CEP57L1: variants seen among roughly 807,000 people sequenced by gnomAD.
CEP57L1 encodes centrosomal protein 57 like 1.
Under a neutral mutation model 61.0 loss-of-function variants are expected in CEP57L1, and 37 were observed. The ratio of observed to expected loss-of-function variants is 0.61; its 90% CI spans 0.47 to 0.80. CEP57L1 has a LOEUF of 0.80. Among genes scored for constraint, CEP57L1 ranks in the 30% least tolerant of loss-of-function variants. The probability of loss-of-function intolerance (pLI) is 0.00; values close to 1 mark genes in which losing one functional copy is unlikely to be tolerated. For missense variants in CEP57L1, 422 were observed against 524.7 expected (o/e 0.80, Z 1.91); for synonymous variants, 137 against 162.3 (o/e 0.84, Z 1.19).
intron 1 of CEP57L1, among the ~76,000 whole-genome samples, chr6:109,128,448 AT>A (rs1773821004): frequency 6.6e-6 from 1 of 151,876 alleles, no homozygotes; most frequent in Admixed American, 6.6e-5. Context: ...TTAGACCTAT[AT>A]TTTTCGTGTT....
chr6:109,139,247 T>C (rs1771078400), intron 1 of CEP57L1, among the ~76,000 whole-genome samples: 1 of 152,170 alleles, frequency 6.6e-6, no homozygotes, highest in Non-Finnish European at 1.5e-5. Flanking sequence ...TGAGATTTCA[T>C]CATCATGGTA....
chr6:109,171,302 G>A lies in CEP57L1; in HGVS notation c.*8332G>A, dbSNP rs1023657700. On this transcript the variant is annotated 3_prime_UTR_variant, in exon 11 of 11. Coordinates refer to ENST00000517392, the MANE Select transcript of CEP57L1 (RefSeq NM_001271852.3). ...TGCCCAAGCTGGAGTGCAATGGCGCGATCTCAGCTCACTGCAACCTCCGCC... is the reference window on the plus strand; with the variant it reads ...TGCCCAAGCTGGAGTGCAATGGCGCAATCTCAGCTCACTGCAACCTCCGCC... 8.6e-5 allele frequency among the ~76,000 whole-genome samples: 13 copies of A among 150,472 alleles called. No homozygotes were observed. The highest frequency in any genetic ancestry group is 2.1e-4 in the South Asian group (1 of 4,760).
intron 1 of CEP57L1, among the ~76,000 whole-genome samples, chr6:109,096,300 C>A (rs1275264160): frequency 6.6e-6 from 1 of 152,052 alleles, no homozygotes; most frequent in Non-Finnish European, 1.5e-5. Flanking sequence ...ACTGAGTATA[C>A]AACAATGAAA....
chr6:109,158,733 T>C (rs62427241), intron 7 of CEP57L1: 9,685 of 508,082 alleles, frequency 0.019, 137 homozygotes, highest in Non-Finnish European at 0.025. Flanking sequence ...GTGATTTTAT[T>C]TTCTCTGTGT....
At chr6:109,100,535 C>T (rs1016191659) in intron 1 of CEP57L1, among the ~76,000 whole-genome samples, 27 of 151,498 alleles carry the variant, frequency 1.8e-4, no homozygotes, top group Admixed American at 1.1e-3. Flanking sequence ...ATTAGCCAGG[C>T]GTGGTGGTGG....
rs967828405 is a variant in CEP57L1 at position 109,169,029 on chromosome 6, C to A, written c.*6059C>A. On this transcript the variant is annotated 3_prime_UTR_variant, in exon 11 of 11. Transcript: ENST00000517392. ...TTGCCTGAGCTCAGGAGTTCAAGAC[C>A]ACCCTGGGCGACATGGTGAAATCCC... Among the ~76,000 whole-genome samples the A allele has an allele frequency of 1.3e-5, 2 of 151,244 alleles. No individual in the cohort carries two copies. Among genetic ancestry groups the A allele is most frequent in the Non-Finnish European group, 3.0e-5 (2 of 67,750 alleles).
chr6:109,166,172 T>C lies in CEP57L1; in HGVS notation c.*3202T>C, dbSNP rs115842502. 4.9e-3 allele frequency among the ~76,000 whole-genome samples: 745 copies of C among 152,218 alleles called. 6 individuals are homozygous for C. The highest frequency in any genetic ancestry group is 0.017 in the African/African-American group (697 of 41,530). On this transcript the variant is annotated 3_prime_UTR_variant, in exon 11 of 11. Transcript: ENST00000517392. ...TAAAGACAGGAGGGTCAGAGGGAAA[T>C]GTTCAGTTTTCAACAATGTAAGATT...
At chr6:109,119,462 G>A (rs571085892) in intron 1 of CEP57L1, among the ~76,000 whole-genome samples, 2 of 152,282 alleles carry the variant, frequency 1.3e-5, no homozygotes, top group Admixed American at 1.3e-4. Flanking sequence ...CAGGACTTGA[G>A]AATGGGGAGT....
intron 1 of CEP57L1, among the ~76,000 whole-genome samples, chr6:109,116,137 A>G (rs1257349871): frequency 0.054 from 5,948 of 110,506 alleles, 158 homozygotes; most frequent in Middle Eastern, 0.099. Flanking sequence ...GTGTTATGTT[A>G]TGTTATGTTA....
intron 3 of CEP57L1, among the ~76,000 whole-genome samples, chr6:109,149,583 G>A (rs1255712252): frequency 6.6e-6 from 1 of 151,914 alleles, no homozygotes; most frequent in East Asian, 1.9e-4. Flanking sequence ...TTTGGCTTAG[G>A]ATTGACTTGG....
intron 5 of CEP57L1, among the ~76,000 whole-genome samples, chr6:109,154,669 T>A (rs1457434492): frequency 6.6e-6 from 1 of 152,092 alleles, no homozygotes; most frequent in East Asian, 1.9e-4. Flanking sequence ...AATTTTTGGA[T>A]TAGGGATACC....
At chr6:109,119,331 T>C (rs1026828050) in intron 1 of CEP57L1, among the ~76,000 whole-genome samples, 1 of 152,100 alleles carries the variant, frequency 6.6e-6, no homozygotes, top group African/African-American at 2.4e-5. Context: ...GGAAAATCAC[T>C]TCAAAAGGCT....
Position 109,167,618 on chromosome 6 carries a change from G to A in CEP57L1, c.*4648G>A, listed in dbSNP as rs531185293. ...CTTGAACCTGGGAGGCAGAGGTTGC[G>A]GTGAGCCGAGATTGTGCCACTGCAC... is the stretch of plus-strand genomic sequence containing the variant. On this transcript the variant is annotated 3_prime_UTR_variant, in exon 11 of 11. Coordinates refer to ENST00000517392, the MANE Select transcript of CEP57L1 (RefSeq NM_001271852.3). Among the ~76,000 whole-genome samples the A allele has an allele frequency of 6.6e-6, 1 of 151,828 alleles. No homozygotes were observed. Among genetic ancestry groups the A allele is most frequent in the South Asian group, 2.1e-4 (1 of 4,822 alleles).
chr6:109,170,650 G>A lies in CEP57L1; in HGVS notation c.*7680G>A, dbSNP rs1019934277. ...AAACATAAACCATTTTGGTGCACAG[G>A]AAACCCACTTAAAATTAAATTTTAA... is the stretch of plus-strand genomic sequence containing the variant. On this transcript the variant is annotated 3_prime_UTR_variant, in exon 11 of 11. Coordinates refer to ENST00000517392, the MANE Select transcript of CEP57L1 (RefSeq NM_001271852.3). 1.3e-5 allele frequency among the ~76,000 whole-genome samples: 2 copies of A among 152,118 alleles called. No homozygotes were observed. Among genetic ancestry groups the A allele is most frequent in the Non-Finnish European group, 2.9e-5 (2 of 68,014 alleles).
rs746546252 is a variant in CEP57L1, at chr6:109,150,114, A to G, written c.341-4A>G. 1.0e-5 allele frequency: 16 copies of G among 1,560,136 alleles called. No homozygotes were observed. The highest frequency in any genetic ancestry group is 6.2e-6 in the Non-Finnish European group (7 of 1,135,842). On this transcript the variant is annotated splice_region_variant and splice_polypyrimidine_tract_variant and intron_variant, in intron 3 of 10. Transcript: ENST00000517392. ...TTCCTAATTGAATACCCTTTATTTC[A>G]TAGATATAAGTATACAGTTAAGCTC...
At chr6:109,160,454 A>G (rs1181448221) in intron 9 of CEP57L1, 118 bp from the exon 10 acceptor site, 1 of 728,118 alleles carries the variant, frequency 1.4e-6, no homozygotes, top group Non-Finnish European at 2.3e-6. Flanking sequence ...GGCTGTTTTT[A>G]AAGGTTAATA....
intron 1 of CEP57L1, among the ~76,000 whole-genome samples, chr6:109,101,616 CT>C (rs199499971): frequency 2.9e-4 from 37 of 126,512 alleles, no homozygotes; most frequent in Non-Finnish European, 3.1e-4. Flanking sequence ...TTTTCTTTTT[CT>C]TTTTTCTTTT....
rs893036009 is a variant in CEP57L1, at chr6:109,173,974, C to A, written c.*11004C>A. 2.0e-5 allele frequency among the ~76,000 whole-genome samples: 3 copies of A among 151,572 alleles called. No homozygotes were observed. The highest frequency in any genetic ancestry group is 3.9e-4 in the East Asian group (2 of 5,128). ...AATTAGCTGGGTGTGGTGGCATGCA[C>A]CTGTAGTCTCAGCTACTCATCAGGC... On this transcript the variant is annotated 3_prime_UTR_variant, in exon 11 of 11. Coordinates refer to ENST00000517392, the MANE Select transcript of CEP57L1 (RefSeq NM_001271852.3).
chr6:109,118,570 C>T (rs1474110298), intron 1 of CEP57L1, among the ~76,000 whole-genome samples: 2 of 152,210 alleles, frequency 1.3e-5, no homozygotes, highest in African/African-American at 2.4e-5. Context: ...TTGTTCACCT[C>T]AGACATGTGG....
Sources: gnomAD v4.1 joint callset for allele counts (sites outside exome capture counted in the v4.1 genomes callset) on GRCh38, gnomAD v4.1.1 for gene constraint, MANE v1.5 for transcripts, NCBI Gene and HGNC (gene_info 2026-07-23, HGNC 2026-07-21) for gene names.